The following CLMN variants were observed in gnomAD, a reference collection of about 807,000 sequenced individuals.
CLMN encodes calmin (calponin-like, transmembrane).
A neutral mutation model predicts 92.7 loss-of-function variants in CLMN; 57 were observed. That is an observed-to-expected ratio of 0.61 (90% CI 0.50 to 0.77). The LOEUF (loss-of-function observed/expected upper bound fraction) is 0.77, where lower values mean the gene tolerates loss of function less well. Among genes scored for constraint, CLMN ranks in the 30% least tolerant of loss-of-function variants. The pLI, the probability that CLMN is intolerant of heterozygous loss-of-function variation, is 0.00. For synonymous variants in CLMN, 466 were observed against 470.6 expected (o/e 0.99, Z 0.13); for missense variants, 1,158 against 1,237.5 (o/e 0.94, Z 0.96).
chr14:95,202,811 G>C (rs773464678), intron 9 of CLMN, 27 bp downstream of exon 9: 2 of 1,508,258 alleles, frequency 1.3e-6, no homozygotes, highest in African/African-American at 2.8e-5. Flanking sequence ...GCAGGACCCA[G>C]GGTTCCCAAA....
intron 1 of CLMN, among the ~76,000 whole-genome samples, chr14:95,264,993 T>C (rs1418081165): frequency 6.7e-6 from 1 of 150,038 alleles, no homozygotes; most frequent in Non-Finnish European, 1.5e-5. Flanking sequence ...ATGTCTATAA[T>C]CCTAGCACTT....
Position 95,308,776 on chromosome 14 carries a change from T to A in CLMN, c.82+10935A>T, listed in dbSNP as rs79685503. On this transcript the variant is annotated intron_variant, in intron 1 of 12. Coordinates refer to ENST00000298912, the MANE Select transcript of CLMN (RefSeq NM_024734.4). The stretch of plus-strand genomic sequence containing the variant: ...TTGTAACAGCAACAATACCGCAGAT[T>A]GTCTTCTGTAACTCAGGTTGCAACT... Among the ~76,000 whole-genome samples, 119 of 152,290 alleles carry A rather than the reference T, an allele frequency of 7.8e-4. 1 individual carries two copies. The East Asian group carries it at 0.022, about 28-fold the overall frequency.
At chr14:95,212,947 G>A (rs567421740) in intron 6 of CLMN, among the ~76,000 whole-genome samples, 8 of 152,022 alleles carry the variant, frequency 5.3e-5, no homozygotes, top group South Asian at 2.1e-4. Context: ...CACCACGCCC[G>A]GCTAATTTTG....
At chr14:95,206,826 G>A (rs1008516508) in intron 8 of CLMN, among the ~76,000 whole-genome samples, 15 of 152,194 alleles carry the variant, frequency 9.9e-5, no homozygotes, top group East Asian at 1.9e-4. Context: ...CACAAATACC[G>A]TATGTTTTAG....
intron 9 of CLMN, chr14:95,199,269 T>C (rs1316808117): frequency 6.6e-6 from 1 of 152,168 alleles, no homozygotes; most frequent in Non-Finnish European, 1.5e-5. Context: ...TTTCCCTTAT[T>C]CTCTTTATTG....
At chr14:95,220,092 A>C (rs1362413353) in intron 4 of CLMN, among the ~76,000 whole-genome samples, 2 of 148,220 alleles carry the variant, frequency 1.3e-5, no homozygotes, top group African/African-American at 5.0e-5. Flanking sequence ...CTCACTTAGC[A>C]TGTTGTCAAG....
chr14:95,191,465 C>T lies in CLMN; in HGVS notation c.*99G>A, dbSNP rs1279691275. ...GGGTCTAAGTTTCCTCGGAGGTCCT[C>T]AACTGTCTGTAGAAGTGCCCCACCC... On this transcript the variant is annotated 3_prime_UTR_variant, in exon 13 of 13. Coordinates refer to ENST00000298912, the MANE Select transcript of CLMN (RefSeq NM_024734.4). This position sits in a 1 kb window ranked among gnomAD's most constrained non-coding sequence, Gnocchi z 5.3. The T allele has an allele frequency of 1.1e-6, 1 of 922,982 alleles. No homozygotes were observed. The highest frequency in any genetic ancestry group is 1.5e-6 in the Non-Finnish European group (1 of 655,208). The allele number at this position is 922,982 out of a possible 1,614,324, so 57.2% of individuals were successfully genotyped here. A position where few individuals can be genotyped will look rare whatever the true frequency, so the allele number is the denominator to read the frequency against.
At chr14:95,312,663 G>A (rs1236937346) in intron 1 of CLMN, among the ~76,000 whole-genome samples, 2 of 152,192 alleles carry the variant, frequency 1.3e-5, no homozygotes, top group African/African-American at 4.8e-5. Flanking sequence ...ACATACTGCT[G>A]CTGGAAAGAA....
intron 10 of CLMN, among the ~76,000 whole-genome samples, chr14:95,195,323 T>G (rs1276077599): frequency 6.6e-6 from 1 of 152,214 alleles, no homozygotes; most frequent in Non-Finnish European, 1.5e-5. Context: ...AGATGACTGC[T>G]AGACAGTCAC....
At chr14:95,246,140 T>G (rs1419268865) in intron 1 of CLMN, among the ~76,000 whole-genome samples, 1 of 152,194 alleles carries the variant, frequency 6.6e-6, no homozygotes, top group African/African-American at 2.4e-5. Context: ...ACAAGAAACA[T>G]GCTTTTCATA....
At chr14:95,197,826 G>C (rs997465582) in intron 9 of CLMN, among the ~76,000 whole-genome samples, 1 of 151,834 alleles carries the variant, frequency 6.6e-6, no homozygotes, top group East Asian at 1.9e-4. Context: ...AGAGCGGCCA[G>C]GCCATTGTGC....
intron 4 of CLMN, among the ~76,000 whole-genome samples, chr14:95,221,459 A>G (rs1456983405): frequency 2.6e-5 from 4 of 152,240 alleles, no homozygotes; most frequent in African/African-American, 9.6e-5. Context: ...CTGAACGTAC[A>G]TCAGAGTTTT....
At chr14:95,313,709 C>T (rs2140802063) in intron 1 of CLMN, among the ~76,000 whole-genome samples, 1 of 151,484 alleles carries the variant, frequency 6.6e-6, no homozygotes, top group East Asian at 1.9e-4. Flanking sequence ...ACAGGGAGTT[C>T]ACTTTTAATG....
intron 1 of CLMN, among the ~76,000 whole-genome samples, chr14:95,266,451 A>G (rs1366950410): frequency 2.0e-5 from 3 of 152,220 alleles, no homozygotes; most frequent in African/African-American, 7.2e-5. Context: ...CCCATTTACA[A>G]TAGCTATAAA....
rs143196349 is a variant in CLMN at position 95,213,034 on chromosome 14, G to T, written c.608+185C>A. ...TGATCCCTGACCTGGTGATCCACTC[G>T]CCTCGGCCTCCCAAAGTGCTGGGAT... On this transcript the variant is annotated intron_variant, in intron 6 of 12. Coordinates refer to ENST00000298912, the MANE Select transcript of CLMN (RefSeq NM_024734.4). 2.2e-3 allele frequency among the ~76,000 whole-genome samples: 338 copies of T among 152,210 alleles called. 1 individual carries two copies. The highest frequency in any genetic ancestry group is 7.6e-3 in the African/African-American group (316 of 41,524).
intron 1 of CLMN, among the ~76,000 whole-genome samples, chr14:95,316,544 C>T (rs1295941272): frequency 6.6e-6 from 1 of 152,228 alleles, no homozygotes; most frequent in Non-Finnish European, 1.5e-5. Context: ...GAGAAATCTT[C>T]ATTCCAATGT....
At chr14:95,265,240 C>CA (rs141059608) in intron 1 of CLMN, among the ~76,000 whole-genome samples, 6,077 of 142,728 alleles carry the variant, frequency 0.043, 421 homozygotes, top group African/African-American at 0.15. Context: ...GACTCTGAAT[C>CA]AAAAAAAAAA....
chr14:95,195,426 T>C (rs897666900), intron 10 of CLMN, among the ~76,000 whole-genome samples: 1 of 152,122 alleles, frequency 6.6e-6, no homozygotes. Flanking sequence ...TGCCTCTGTT[T>C]CCCCAAAGTC....
chr14:95,208,430 C>G (rs138728843), intron 8 of CLMN, among the ~76,000 whole-genome samples: 52 of 152,118 alleles, frequency 3.4e-4, no homozygotes, highest in Non-Finnish European at 6.8e-4. Flanking sequence ...AAACTCTCAC[C>G]AAGTATAATC....
Sources: allele counts gnomAD v4.1 joint callset (sites outside exome capture counted in the v4.1 genomes callset), GRCh38; gene constraint gnomAD v4.1.1; non-coding constraint Gnocchi (gnomAD v3.1); transcripts MANE v1.5; gene names NCBI Gene and HGNC (gene_info 2026-07-23, HGNC 2026-07-21).